The following DOCK8 variants were observed in gnomAD, a reference collection of about 807,000 sequenced individuals.
DOCK8 encodes dedicator of cytokinesis protein 8.
In DOCK8, 141 loss-of-function variants were observed where a neutral mutation model predicts 245.6. That is an observed-to-expected ratio of 0.57 (90% CI 0.50 to 0.66). The LOEUF (loss-of-function observed/expected upper bound fraction) is 0.66, where lower values mean the gene tolerates loss of function less well. DOCK8 is among the 30% of genes least tolerant of loss of function. The probability of loss-of-function intolerance (pLI) is 0.00; values close to 1 mark genes in which losing one functional copy is unlikely to be tolerated. For missense variants in DOCK8, 2,965 were observed against 2,603.4 expected (o/e 1.14, Z -3.02); for synonymous variants, 1,168 against 970.2 (o/e 1.20, Z -3.79).
intron 1 of DOCK8, among the ~76,000 whole-genome samples, chr9:239,197 A>G (rs574398288): frequency 1.3e-5 from 2 of 152,340 alleles, no homozygotes; most frequent in East Asian, 3.9e-4. Flanking sequence ...TCTGAAACAC[A>G]TACACACACG....
Position 441,292 on chromosome 9 carries a change from T to C in DOCK8, c.5230T>C (p.Leu1744=). 1 of 1,614,212 alleles carries C rather than the reference T, an allele frequency of 6.2e-7. No homozygotes were observed. Among genetic ancestry groups the C allele is most frequent in the Middle Eastern group, 1.6e-4 (1 of 6,062 alleles). ...CTCTTCTCCTCTTTCCAAGGGAGGC[T>C]TATATGAGACAGTTAATGAGGTCTA... ...QAAELFSTGG[L]YETVNEVYKL... is the part of the protein sequence containing the mutation. The change falls in exon 41 of 48, where the codon TTA becomes CTA. Residue 1744 remains leucine, a synonymous_variant. Transcript: ENST00000432829.
intron 6 of DOCK8, among the ~76,000 whole-genome samples, chr9:313,978 A>G (rs2050238817): frequency 6.6e-6 from 1 of 152,226 alleles, no homozygotes; most frequent in African/African-American, 2.4e-5. Flanking sequence ...TGTGAGCAAT[A>G]TCATCATCTC....
At chr9:305,034 CTA>C (rs2049751941) in intron 5 of DOCK8, among the ~76,000 whole-genome samples, 1 of 152,306 alleles carries the variant, frequency 6.6e-6, no homozygotes, top group East Asian at 1.9e-4. Flanking sequence ...ATGAAAAGCT[CTA>C]TGCTGAGGCC....
At chr9:273,155 C>T (rs887045836) in intron 2 of DOCK8, 131 of 960,536 alleles carry the variant, frequency 1.4e-4, no homozygotes, top group Non-Finnish European at 1.6e-4. Context: ...TTGTGTGTTG[C>T]GTCATTAATG....
chr9:341,347 C>T (rs185410137), intron 14 of DOCK8, among the ~76,000 whole-genome samples: 173 of 152,352 alleles, frequency 1.1e-3, no homozygotes, highest in African/African-American at 4.0e-3. Context: ...CTTGTCAACA[C>T]ATATCTGCCA....
Position 215,063 on chromosome 9 carries a change from C to T in DOCK8, c.53+34C>T, listed in dbSNP as rs537688767. 10 of 1,551,518 alleles carry T rather than the reference C, an allele frequency of 6.4e-6. No individual in the cohort carries two copies. In the South Asian group the frequency reaches 1.1e-4, roughly 16 times the overall value. ...CCCCCCGCGGCGCGCAGGTTGCGGC[C>T]GGACAGCCCAGCGCTGGTGTGAAGC... is the stretch of plus-strand genomic sequence containing the variant. On this transcript the variant is annotated intron_variant, in intron 1 of 47. Coordinates refer to ENST00000432829, the MANE Select transcript of DOCK8 (RefSeq NM_203447.4).
intron 46 of DOCK8, among the ~76,000 whole-genome samples, chr9:455,448 T>A (rs1238127674): frequency 6.6e-6 from 1 of 152,140 alleles, no homozygotes; most frequent in African/African-American, 2.4e-5. Context: ...AGGTCAAGGC[T>A]GCAATGAGCC....
chr9:350,066 A>G (rs1451265123), intron 14 of DOCK8, among the ~76,000 whole-genome samples: 1 of 152,096 alleles, frequency 6.6e-6, no homozygotes, highest in Non-Finnish European at 1.5e-5. Context: ...GTGCTCCTCA[A>G]GTTCGGCTCA....
chr9:322,347 T>G (rs1474308658), intron 7 of DOCK8, among the ~76,000 whole-genome samples: 1 of 28,766 alleles, frequency 3.5e-5, no homozygotes, highest in African/African-American at 1.7e-4. Context: ...GCTCAAAACC[T>G]GACCGAACAC....
At chr9:384,003 G>A (rs569676279) in intron 22 of DOCK8, among the ~76,000 whole-genome samples, 50 of 152,196 alleles carry the variant, frequency 3.3e-4, no homozygotes, top group African/African-American at 1.2e-3. Flanking sequence ...CACCTTCTCA[G>A]TTTTTCTCTA....
chr9:376,365 C>A, intron 19 of DOCK8, 60 bp downstream of exon 19: 1 of 1,168,370 alleles, frequency 8.6e-7, no homozygotes, highest in Non-Finnish European at 1.3e-6. Flanking sequence ...CTTTGAAGGA[C>A]AGGCCAATAA....
intron 35 of DOCK8, among the ~76,000 whole-genome samples, chr9:429,115 T>C (rs891324095): frequency 2.0e-5 from 3 of 152,142 alleles, no homozygotes; most frequent in African/African-American, 4.8e-5. Flanking sequence ...TATAGGCGTG[T>C]GCCACCGCAC....
At chr9:311,691 A>T (rs2050119997) in intron 5 of DOCK8, among the ~76,000 whole-genome samples, 1 of 152,208 alleles carries the variant, frequency 6.6e-6, no homozygotes, top group Admixed American at 6.5e-5. Flanking sequence ...TACTGTTTTT[A>T]GTCCTTTCCT....
chr9:241,494 T>C (rs1361084196), intron 1 of DOCK8, among the ~76,000 whole-genome samples: 5 of 152,232 alleles, frequency 3.3e-5, no homozygotes, highest in South Asian at 2.1e-4. Context: ...TAACTTTCTG[T>C]TCCTGGCTTA....
intron 23 of DOCK8, among the ~76,000 whole-genome samples, chr9:388,628 C>T (rs955564201): frequency 6.6e-6 from 1 of 151,596 alleles, no homozygotes; most frequent in African/African-American, 2.4e-5. Context: ...AATCTTGGCT[C>T]ACTGCAACCT....
Position 340,142 on chromosome 9 carries a change from C to G in DOCK8, c.1517-17C>G. ...TGACAGTTTCTTTACTAGAACATTC[C>G]TATTTTCTCTCTTTAGGCTTGCTAA... is the stretch of plus-strand genomic sequence containing the variant. On this transcript the variant is annotated splice_polypyrimidine_tract_variant and intron_variant, in intron 13 of 47. Coordinates refer to ENST00000432829, the MANE Select transcript of DOCK8 (RefSeq NM_203447.4). 6.2e-7 allele frequency: 1 copy of G among 1,613,312 alleles called. No homozygotes were observed.
intron 1 of DOCK8, chr9:215,536 G>A: frequency 1.6e-6 from 2 of 1,225,672 alleles, no homozygotes; most frequent in African/African-American, 1.6e-5. Context: ...CATTATTCCA[G>A]AAAGAGCTTG....
intron 20 of DOCK8, among the ~76,000 whole-genome samples, chr9:378,443 G>A (rs2053604995): frequency 6.6e-6 from 1 of 152,330 alleles, no homozygotes; most frequent in South Asian, 2.1e-4. Context: ...CCAGGGAGGG[G>A]CATGTCCCCT....
intron 21 of DOCK8, among the ~76,000 whole-genome samples, chr9:381,963 A>AG (rs2053737006): frequency 6.6e-6 from 1 of 152,008 alleles, no homozygotes; most frequent in Non-Finnish European, 1.5e-5. Flanking sequence ...CTGTCTTAAA[A>AG]AAAAAAAAAA....
Sources: allele counts gnomAD v4.1 joint callset (sites outside exome capture counted in the v4.1 genomes callset), GRCh38; gene constraint gnomAD v4.1.1; transcripts MANE v1.5; gene names NCBI Gene and HGNC (gene_info 2026-07-23, HGNC 2026-07-21).